Variants in PTPRD observed in about 807,000 individuals in gnomAD.
PTPRD encodes receptor-type tyrosine-protein phosphatase delta.
A neutral mutation model predicts 214.5 loss-of-function variants in PTPRD; 34 were observed. That is an observed-to-expected ratio of 0.16 (90% CI 0.12 to 0.21). The LOEUF is 0.21. PTPRD is among the 10% of genes least tolerant of loss of function. The pLI is 1.00. For missense variants in PTPRD, 2,545 were observed against 2,398.7 expected (o/e 1.06, Z -1.27); for synonymous variants, 1,128 against 845.7 (o/e 1.33, Z -5.79).
intron 2 of PTPRD, among the ~76,000 whole-genome samples, chr9:10,413,960 A>T (rs2098462330): frequency 6.6e-6 from 1 of 152,006 alleles, no homozygotes; most frequent in South Asian, 2.1e-4. Flanking sequence ...TCAACTTAAG[A>T]TGAATAAAGT....
intron 8 of PTPRD, among the ~76,000 whole-genome samples, chr9:9,574,230 G>A (rs1321243645): frequency 6.6e-6 from 1 of 151,664 alleles, no homozygotes; most frequent in East Asian, 1.9e-4. Flanking sequence ...AATAATTAAA[G>A]CCTTAAAAAT....
intron 8 of PTPRD, among the ~76,000 whole-genome samples, chr9:9,398,910 G>A (rs1015241911): frequency 6.6e-6 from 1 of 151,908 alleles, no homozygotes; most frequent in African/African-American, 2.4e-5. Flanking sequence ...TTGCCTTGTT[G>A]CTAATTTTAT....
At chr9:8,715,391 C>G (rs1056771409) in intron 12 of PTPRD, among the ~76,000 whole-genome samples, 1 of 152,124 alleles carries the variant, frequency 6.6e-6, no homozygotes, top group Non-Finnish European at 1.5e-5. Flanking sequence ...CCTACCTGTT[C>G]CCATCTTGCC....
intron 2 of PTPRD, among the ~76,000 whole-genome samples, chr9:10,517,322 G>A (rs1385117604): frequency 1.3e-5 from 2 of 151,828 alleles, no homozygotes; most frequent in African/African-American, 4.8e-5. Flanking sequence ...TTTCTTATAG[G>A]TGCTATGGTA....
chr9:10,561,326 T>C (rs2063914464), intron 2 of PTPRD, among the ~76,000 whole-genome samples: 1 of 152,134 alleles, frequency 6.6e-6, no homozygotes, highest in Non-Finnish European at 1.5e-5. Context: ...ATTTAAGATA[T>C]GGTAGCAAAT....
intron 9 of PTPRD, among the ~76,000 whole-genome samples, chr9:9,259,997 T>C (rs952502606): frequency 3.3e-5 from 5 of 151,866 alleles, no homozygotes; most frequent in African/African-American, 1.2e-4. Flanking sequence ...AGTAACCTGA[T>C]ATTTGCCCTA....
At chr9:10,117,612 G>GTTTTTTTTTTTTT (rs35593505) in intron 3 of PTPRD, among the ~76,000 whole-genome samples, 11 of 144,690 alleles carry the variant, frequency 7.6e-5, no homozygotes, top group Admixed American at 2.1e-4. Context: ...AAATCTCCCC[G>GTTTTTTTTTTTTT]TTTTTTTTTT....
At chr9:8,779,364 A>C (rs896945112) in intron 11 of PTPRD, among the ~76,000 whole-genome samples, 3 of 148,090 alleles carry the variant, frequency 2.0e-5, no homozygotes, top group Non-Finnish European at 3.0e-5. Flanking sequence ...AACATCTCTC[A>C]GTTATCTGTC....
At chr9:10,319,382 C>T (rs1421872251) in intron 3 of PTPRD, among the ~76,000 whole-genome samples, 1 of 152,070 alleles carries the variant, frequency 6.6e-6, no homozygotes, top group Non-Finnish European at 1.5e-5. Context: ...CTAATAAGTA[C>T]ATCTGAAATT....
intron 7 of PTPRD, among the ~76,000 whole-genome samples, chr9:9,699,516 T>C (rs1050945707): frequency 5.3e-5 from 8 of 152,126 alleles, no homozygotes; most frequent in Non-Finnish European, 7.4e-5. Flanking sequence ...TAAATAACAG[T>C]TAAATCAAAT....
intron 8 of PTPRD, among the ~76,000 whole-genome samples, chr9:9,478,641 C>A (rs749788101): frequency 6.6e-6 from 1 of 152,104 alleles, no homozygotes; most frequent in African/African-American, 2.4e-5. Flanking sequence ...AAAGAGTTAG[C>A]CTTTTGTAAG....
chr9:10,270,285 G>C (rs201461736), intron 3 of PTPRD, among the ~76,000 whole-genome samples: 2 of 151,954 alleles, frequency 1.3e-5, no homozygotes, highest in Non-Finnish European at 2.9e-5. Context: ...GAAAATAAAA[G>C]TTTATTATGC....
intron 30 of PTPRD, among the ~76,000 whole-genome samples, chr9:8,476,959 C>T (rs978904254): frequency 2.6e-5 from 4 of 152,090 alleles, no homozygotes; most frequent in Admixed American, 1.3e-4. Flanking sequence ...TTATTGCAAA[C>T]GTTCTTTTCT....
intron 9 of PTPRD, among the ~76,000 whole-genome samples, chr9:9,197,383 C>T (rs961048556): frequency 6.6e-6 from 1 of 152,144 alleles, no homozygotes; most frequent in Non-Finnish European, 1.5e-5. Context: ...TGCACTGACA[C>T]TCTAACACAC....
chr9:9,089,563 A>G (rs1260095082), intron 10 of PTPRD, among the ~76,000 whole-genome samples: 2 of 152,218 alleles, frequency 1.3e-5, no homozygotes, highest in Non-Finnish European at 2.9e-5. Flanking sequence ...AGGGCCTACA[A>G]ATTGATTCCA....
intron 5 of PTPRD, among the ~76,000 whole-genome samples, chr9:9,801,331 G>C (rs1056390488): frequency 1.1e-5 from 1 of 92,868 alleles, no homozygotes; most frequent in African/African-American, 7.2e-5. Context: ...GCAAGCTAAA[G>C]AGGATTAAAA....
intron 7 of PTPRD, among the ~76,000 whole-genome samples, chr9:9,640,394 A>G (rs774117350): frequency 3.9e-5 from 6 of 152,208 alleles, no homozygotes; most frequent in Non-Finnish European, 7.3e-5. Context: ...ATGAAGCAGA[A>G]CTGAGAGAGG....
intron 9 of PTPRD, among the ~76,000 whole-genome samples, chr9:9,317,438 A>G (rs897781378): frequency 1.3e-5 from 2 of 152,142 alleles, no homozygotes; most frequent in African/African-American, 2.4e-5. Context: ...TATGTGGGTG[A>G]ATGCAAGTGC....
chr9:9,059,713 T>C (rs1001534491), intron 10 of PTPRD, among the ~76,000 whole-genome samples: 3 of 151,990 alleles, frequency 2.0e-5, no homozygotes, highest in African/African-American at 7.2e-5. Flanking sequence ...GAAATATCAA[T>C]AAATGAATTT....
Sources: allele counts gnomAD v4.1 joint callset (sites outside exome capture counted in the v4.1 genomes callset), GRCh38; gene constraint gnomAD v4.1.1; transcripts MANE v1.5; gene names NCBI Gene and HGNC (gene_info 2026-07-23, HGNC 2026-07-21).